Variants in PPTC7 observed in about 807,000 individuals in gnomAD.
PPTC7 encodes the protein protein phosphatase PTC7 homolog.
PPTC7 carries 6 observed loss-of-function variants against 30.8 expected under a neutral mutation model. The observed-to-expected ratio is 0.19, with a 90% CI of 0.11 to 0.38. PPTC7 has a LOEUF of 0.38. Ranked by LOEUF, PPTC7 falls within the 10% of genes least tolerant of loss-of-function variation. PPTC7 has a pLI of 1.00. For synonymous variants in PPTC7, 163 were observed against 168.1 expected, an observed-to-expected ratio of 0.97 and a Z score of 0.23; for missense variants, 218 against 404.8, an observed-to-expected ratio of 0.54 and a Z score of 3.96.
rs369058503 is a variant in PPTC7, at chr12:110,560,039, T to C, written c.224-8071A>G. Among the ~76,000 whole-genome samples, 6 of 152,274 alleles carry C rather than the reference T, an allele frequency of 3.9e-5. No individual in the cohort carries two copies. In the South Asian group the frequency reaches 1.2e-3, roughly 32 times the overall value. On this transcript the variant is annotated intron_variant, in intron 1 of 5. Transcript: ENST00000354300. ...CACTGAGCCCAGCCAAGAAGAAAAT[T>C]CTTAAGCAATTTTCATTTTTCTAAT... is the stretch of plus-strand genomic sequence containing the variant.
rs753057414 is a variant in PPTC7 at position 110,538,267 on chromosome 12, T to G, written c.733A>C (p.Asn245His). The G allele has an allele frequency of 6.2e-7, 1 of 1,614,022 alleles. No individual in the cohort carries two copies. Among genetic ancestry groups the G allele is most frequent in the East Asian group, 2.2e-5 (1 of 44,888 alleles). Residue 245 changes from asparagine to histidine, a missense_variant, in exon 5 of 6, where the codon AAT (asparagine) becomes CAT (histidine). Coordinates refer to ENST00000354300, the MANE Select transcript of PPTC7 (RefSeq NM_139283.2). ...GCAGTCTGTTGTATACTCTCATAAT[T>G]TGAATTCTAAGATAAAGCATGAGGA... ...LQELKKLKNSNYESIQQTARS... is the reference protein window; with the variant it reads ...LQELKKLKNSHYESIQQTARS...
intron 3 of PPTC7, among the ~76,000 whole-genome samples, chr12:110,540,665 C>G (rs2064252018): frequency 1.3e-5 from 2 of 151,856 alleles, no homozygotes; most frequent in African/African-American, 4.8e-5. Flanking sequence ...ACCCAGCCCA[C>G]CCCCTCTTAT....
At chr12:110,548,138 T>C (rs1000440394) in intron 2 of PPTC7, among the ~76,000 whole-genome samples, 3 of 150,854 alleles carry the variant, frequency 2.0e-5, no homozygotes, top group African/African-American at 7.3e-5. Flanking sequence ...GGGAATAAAA[T>C]TAAGTACCTA....
intron 3 of PPTC7, among the ~76,000 whole-genome samples, chr12:110,540,459 C>T (rs2064250719): frequency 6.6e-6 from 1 of 151,770 alleles, no homozygotes; most frequent in African/African-American, 2.4e-5. Context: ...GTAGCTGGGA[C>T]TACAGGCATG....
chr12:110,573,304 A>G (rs377100677), intron 1 of PPTC7, among the ~76,000 whole-genome samples: 11 of 152,240 alleles, frequency 7.2e-5, no homozygotes, highest in Non-Finnish European at 7.3e-5. Context: ...AGTGTTATTT[A>G]TAACAGAAAA....
In PPTC7 at chr12:110,582,761, G is replaced by A. The variant is rs2064649311; in HGVS notation, c.223+48C>T. 4.1e-6 allele frequency: 6 copies of A among 1,461,416 alleles called. No homozygotes were observed. In the East Asian group the frequency reaches 8.0e-5, roughly 19 times the overall value. 90.5% of individuals were successfully genotyped at this position (1,461,416 alleles called of 1,614,324 possible). On this transcript the variant is annotated intron_variant, in intron 1 of 5. Coordinates refer to ENST00000354300, the MANE Select transcript of PPTC7 (RefSeq NM_139283.2). ...GGGAAGCCCCGCGCGGGGAGTCCCCGGGAGGCGGATCCGAGGCTGGGGCAA... is the reference window on the plus strand; with the variant it reads ...GGGAAGCCCCGCGCGGGGAGTCCCCAGGAGGCGGATCCGAGGCTGGGGCAA...
Position 110,539,104 on chromosome 12 carries a change from C to T in PPTC7, c.726+718G>A, listed in dbSNP as rs117658370. On this transcript the variant is annotated intron_variant, in intron 4 of 5. Transcript: ENST00000354300. ...CACTGACTGCACTCCACAGACAAGG[C>T]GTGGCGCTAAGGAGTTCCTACACAG... Among the ~76,000 whole-genome samples the T allele has an allele frequency of 6.2e-4, 95 of 152,244 alleles. No homozygotes were observed. In the East Asian group the frequency reaches 0.015, roughly 24 times the overall value.
chr12:110,574,520 T>C (rs943235787), intron 1 of PPTC7, among the ~76,000 whole-genome samples: 3 of 152,164 alleles, frequency 2.0e-5, no homozygotes, highest in African/African-American at 4.8e-5. Context: ...CCCAATCCTG[T>C]TGGGGATTTT....
rs866711405 is a variant in PPTC7 at position 110,555,747 on chromosome 12, T to C, written c.224-3779A>G. On this transcript the variant is annotated intron_variant, in intron 1 of 5. Coordinates refer to ENST00000354300, the MANE Select transcript of PPTC7 (RefSeq NM_139283.2). ...TCTTACAAGGAACAGCACATTTCATTGTTTTTCAAGGAGTTGTGAAGAGGT... is the reference window on the plus strand; with the variant it reads ...TCTTACAAGGAACAGCACATTTCATCGTTTTTCAAGGAGTTGTGAAGAGGT... Among the ~76,000 whole-genome samples, 3 of 152,358 alleles carry C rather than the reference T, an allele frequency of 2.0e-5. No individual in the cohort carries two copies. In the Middle Eastern group the frequency reaches 0.01, roughly 518 times the overall value.
intron 2 of PPTC7, 50 bp downstream of exon 2, chr12:110,551,739 A>T (rs748508370): frequency 1.7e-5 from 26 of 1,499,798 alleles, no homozygotes; most frequent in Non-Finnish European, 2.4e-5. Flanking sequence ...TTTTGTTTTT[A>T]ACTATCTAGG....
At chr12:110,541,965 G>A (rs1197330655) in intron 3 of PPTC7, among the ~76,000 whole-genome samples, 2 of 151,816 alleles carry the variant, frequency 1.3e-5, no homozygotes, top group African/African-American at 4.8e-5. Context: ...GGCCATCATG[G>A]TGAAACCCCA....
intron 3 of PPTC7, among the ~76,000 whole-genome samples, chr12:110,541,010 C>T (rs1485111633): frequency 1.3e-5 from 2 of 150,748 alleles, no homozygotes; most frequent in Non-Finnish European, 3.0e-5. Context: ...CTCCTGACCT[C>T]GTGATCTGCC....
At chr12:110,543,451 A>G (rs1205852454) in intron 3 of PPTC7, among the ~76,000 whole-genome samples, 4 of 151,608 alleles carry the variant, frequency 2.6e-5, no homozygotes, top group African/African-American at 9.7e-5. Flanking sequence ...AAAAAAAGGG[A>G]AAAAGACTGT....
At chr12:110,545,830 A>C in intron 3 of PPTC7, 50 bp downstream of exon 3, 1 of 1,560,048 alleles carries the variant, frequency 6.4e-7, no homozygotes, top group Non-Finnish European at 8.8e-7. Flanking sequence ...GGAGGGGACT[A>C]TGAATGAGCC....
Position 110,538,256 on chromosome 12 carries a change from A to G in PPTC7, c.744T>C (p.Ser248=), listed in dbSNP as rs1188674175. ...LKKLKNSNYE[S]IQQTARSIAE... ...CAATGCTTCTGGCAGTCTGTTGTAT[A>G]CTCTCATAATTTGAATTCTAAGATA... Residue 248 remains serine (S), a synonymous_variant, in exon 5 of 6, where the codon AGT becomes AGC. Transcript: ENST00000354300. 1.2e-6 allele frequency: 2 copies of G among 1,613,974 alleles called. No individual in the cohort carries two copies. The highest frequency in any genetic ancestry group is 1.7e-6 in the Non-Finnish European group (2 of 1,179,966).
At chr12:110,576,151 C>G (rs1168025451) in intron 1 of PPTC7, among the ~76,000 whole-genome samples, 1 of 152,016 alleles carries the variant, frequency 6.6e-6, no homozygotes. Context: ...TATTAATATT[C>G]CACAATTTTC....
chr12:110,581,577 C>T (rs1016135043), intron 1 of PPTC7, among the ~76,000 whole-genome samples: 8 of 152,202 alleles, frequency 5.3e-5, no homozygotes, highest in Admixed American at 6.5e-5. Context: ...ATATCAATAG[C>T]GTTGCCTAAA....
intron 1 of PPTC7, among the ~76,000 whole-genome samples, chr12:110,553,546 A>G (rs1225755753): frequency 6.6e-6 from 1 of 152,144 alleles, no homozygotes; most frequent in Admixed American, 6.5e-5. Context: ...TGGGAGGCCA[A>G]GGTGGGAGAA....
chr12:110,573,268 T>C (rs1593166027), intron 1 of PPTC7, among the ~76,000 whole-genome samples: 1 of 152,240 alleles, frequency 6.6e-6, no homozygotes, highest in Non-Finnish European at 1.5e-5. Flanking sequence ...TGAGGAAATA[T>C]TCAGATGTAA....
Sources: allele counts gnomAD v4.1 joint callset (sites outside exome capture counted in the v4.1 genomes callset), GRCh38; gene constraint gnomAD v4.1.1; transcripts MANE v1.5; gene names NCBI Gene and HGNC (gene_info 2026-07-23, HGNC 2026-07-21).